The following CCDC33 variants were observed in gnomAD, a reference collection of about 807,000 sequenced individuals.
The protein encoded by CCDC33 is coiled-coil domain-containing protein 33.
Under a neutral mutation model 91.9 loss-of-function variants are expected in CCDC33, and 94 were observed. The observed-to-expected ratio is 1.02, with a 90% CI of 0.87 to 1.21. CCDC33 has a LOEUF of 1.21. CCDC33 is among the 50% of genes most tolerant of loss of function. The probability of loss-of-function intolerance (pLI) is 0.00; values close to 1 mark genes in which losing one functional copy is unlikely to be tolerated. For synonymous variants in CCDC33, 396 were observed against 374.5 expected, an observed-to-expected ratio of 1.06 and a Z score of -0.66; for missense variants, 940 against 935.5, an observed-to-expected ratio of 1.00 and a Z score of -0.06.
chr15:74,208,901 C>G, intron 1 of CCDC33: 4 of 989,984 alleles, frequency 4.0e-6, no homozygotes, highest in Non-Finnish European at 4.8e-6. Context: ...AGGGTGCTCC[C>G]AACACGGGGC....
intron 11 of CCDC33, among the ~76,000 whole-genome samples, chr15:74,329,057 T>C (rs1265534496): frequency 2.6e-5 from 4 of 152,220 alleles, no homozygotes; most frequent in Non-Finnish European, 2.9e-5. Context: ...TTTTCTATTT[T>C]GTGCTGTTCA....
chr15:74,298,381 T>C (rs1434243109), intron 11 of CCDC33, among the ~76,000 whole-genome samples: 1 of 152,090 alleles, frequency 6.6e-6, no homozygotes, highest in African/African-American at 2.4e-5. Context: ...AGGTAGGCAA[T>C]ATAAACAATG....
chr15:74,336,260 G>A, downstream of CCDC33: 1 of 1,421,140 alleles, frequency 7.0e-7, no homozygotes, highest in Middle Eastern at 1.9e-4. Context: ...GCCTGCCCCA[G>A]GAGCCAGCAT....
chr15:74,235,728 A>G (rs2075132508), upstream of CCDC33, among the ~76,000 whole-genome samples: 1 of 152,228 alleles, frequency 6.6e-6, no homozygotes, highest in Admixed American at 6.5e-5. Flanking sequence ...TGCAGTGCTC[A>G]GAACTGAACC....
chr15:74,211,452 G>C (rs2074367679), intron 2 of CCDC33, among the ~76,000 whole-genome samples: 1 of 140,516 alleles, frequency 7.1e-6, no homozygotes, highest in Non-Finnish European at 1.5e-5. Context: ...CCAGGCTGGA[G>C]TGCAATGGTG....
chr15:74,266,634 G>A (rs997460500), intron 3 of CCDC33, 44 bp from the exon 4 acceptor site: 2 of 1,331,310 alleles, frequency 1.5e-6, no homozygotes, highest in Non-Finnish European at 1.1e-6. Context: ...GAGAGAAAGG[G>A]ATCCATTTAA....
intron 15 of CCDC33, among the ~76,000 whole-genome samples, chr15:74,331,525 A>G (rs947174178): frequency 6.6e-6 from 1 of 152,006 alleles, no homozygotes; most frequent in African/African-American, 2.4e-5. Context: ...TCAGAACACA[A>G]TTGGGATGCA....
At chr15:74,262,594 G>A in intron 3 of CCDC33, 21 bp downstream of exon 3, 1 of 1,605,504 alleles carries the variant, frequency 6.2e-7, no homozygotes. Flanking sequence ...GCTGGGCAGG[G>A]CCGGCATGTG....
intron 11 of CCDC33, chr15:74,301,245 C>T (rs2059789378): frequency 6.6e-6 from 1 of 152,224 alleles, no homozygotes; most frequent in Non-Finnish European, 1.5e-5. Flanking sequence ...AGGAGGGGAG[C>T]AGGTAAGGCG....
At chr15:74,207,970 G>A in intron 1 of CCDC33, 11 of 1,429,836 alleles carry the variant, frequency 7.7e-6, no homozygotes, top group Non-Finnish European at 9.2e-6. Context: ...TACCTCCCCT[G>A]CCATGTGGGA....
chr15:74,203,128 G>A, intron 1 of CCDC33: 1 of 985,588 alleles, frequency 1.0e-6, no homozygotes, highest in Non-Finnish European at 1.2e-6. Context: ...CTGGGCTGGG[G>A]CGGAGGCAGG....
chr15:74,253,574 C>A (rs2075774669), intron 2 of CCDC33, among the ~76,000 whole-genome samples: 1 of 152,156 alleles, frequency 6.6e-6, no homozygotes, highest in African/African-American at 2.4e-5. Flanking sequence ...ATCCAGAAAC[C>A]TGTGAGATAC....
intron 2 of CCDC33, among the ~76,000 whole-genome samples, chr15:74,260,390 G>A (rs1001724512): frequency 6.6e-6 from 1 of 152,146 alleles, no homozygotes; most frequent in African/African-American, 2.4e-5. Flanking sequence ...GAAGGACTCC[G>A]GCTCTCTGGG....
At chr15:74,273,715 C>T (rs555020838) in intron 7 of CCDC33, among the ~76,000 whole-genome samples, 41 of 152,120 alleles carry the variant, frequency 2.7e-4, no homozygotes, top group African/African-American at 8.2e-4. Flanking sequence ...GTGATCCACC[C>T]GCTTTGGCCT....
upstream of CCDC33, among the ~76,000 whole-genome samples, chr15:74,233,329 C>T (rs2075044055): frequency 6.6e-6 from 1 of 152,244 alleles, no homozygotes; most frequent in African/African-American, 2.4e-5. Context: ...GGTCTCTATG[C>T]TCCCACTGCC....
chr15:74,227,120 G>A (rs2074825764), intron 2 of CCDC33, among the ~76,000 whole-genome samples: 1 of 152,192 alleles, frequency 6.6e-6, no homozygotes, highest in Non-Finnish European at 1.5e-5. Flanking sequence ...GGTCTTGGGA[G>A]GTAGGCAGGG....
At chr15:74,305,194 G>A (rs1460675701) in intron 11 of CCDC33, among the ~76,000 whole-genome samples, 1 of 152,112 alleles carries the variant, frequency 6.6e-6, no homozygotes, top group African/African-American at 2.4e-5. Flanking sequence ...TGATCCACCC[G>A]CCTCGCCCTC....
chr15:74,243,511 C>A (rs2075413059), intron 1 of CCDC33, among the ~76,000 whole-genome samples: 1 of 152,136 alleles, frequency 6.6e-6, no homozygotes, highest in Admixed American at 6.5e-5. Context: ...CTGAGAGAGA[C>A]GTGGGATGGG....
At chr15:74,291,820 A>T (rs1422515721) in intron 10 of CCDC33, among the ~76,000 whole-genome samples, 2 of 152,230 alleles carry the variant, frequency 1.3e-5, no homozygotes, top group African/African-American at 2.4e-5. Flanking sequence ...CAAGCCTGTG[A>T]TGCCATTGGC....
Sources: gnomAD v4.1 joint callset for allele counts (sites outside exome capture counted in the v4.1 genomes callset) on GRCh38, gnomAD v4.1.1 for gene constraint, MANE v1.5 for transcripts, NCBI Gene and HGNC (gene_info 2026-07-23, HGNC 2026-07-21) for gene names.